Variants in OTOGL observed in about 807,000 individuals in gnomAD.
OTOGL encodes the protein otogelin like, also known as otogelin-like protein.
Under a neutral mutation model 318.5 loss-of-function variants are expected in OTOGL, and 285 were observed. The ratio of observed to expected loss-of-function variants is 0.89; its 90% confidence interval spans 0.81 to 0.99. The LOEUF is 0.99. OTOGL is among the 50% of genes least tolerant of loss of function. The pLI is 0.00. For synonymous variants in OTOGL, 987 were observed against 936.5 expected (o/e 1.05, Z -0.99); for missense variants, 2,899 against 2,845.6 (o/e 1.02, Z -0.43).
intron 21 of OTOGL, 99 bp downstream of exon 21, chr12:80,266,715 T>A: frequency 8.1e-7 from 1 of 1,228,996 alleles, no homozygotes; most frequent in South Asian, 1.6e-5. Flanking sequence ...AAAATATTTC[T>A]TATTGTCTTT....
intron 55 of OTOGL, 131 bp downstream of exon 55, chr12:80,368,440 A>C (rs1272610492): frequency 1.0e-5 from 5 of 489,522 alleles, no homozygotes; most frequent in Non-Finnish European, 1.8e-5. Context: ...ACAGCACACA[A>C]GACACAGTTA....
Position 80,310,688 on chromosome 12 carries a change from C to T in OTOGL, c.3411C>T (p.Ser1137=), listed in dbSNP as rs991434663. 5 of 1,592,200 alleles carry T rather than the reference C, an allele frequency of 3.1e-6. No homozygotes were observed. In the African/African-American group the frequency reaches 4.0e-5, roughly 13 times the overall value. ...TTCCTTATGCCAAGAAAGAATGCTCCATTTTGTACAGTGATATTTTTGCTT... is the reference window on the plus strand; with the variant it reads ...TTCCTTATGCCAAGAAAGAATGCTCTATTTTGTACAGTGATATTTTTGCTT... ...NKFPYAKKEC[S]ILYSDIFASC... Residue 1137 remains serine (S), a synonymous_variant, in exon 30 of 59, where the codon TCC becomes TCT. Transcript: ENST00000547103.
intron 1 of OTOGL, among the ~76,000 whole-genome samples, chr12:80,149,846 C>G (rs527579045): frequency 2.6e-5 from 4 of 152,274 alleles, no homozygotes; most frequent in African/African-American, 4.8e-5. Flanking sequence ...TGCCGGCTGA[C>G]TAGGAAAGGG....
intron 47 of OTOGL, 106 bp downstream of exon 47, chr12:80,356,054 A>G (rs1889880383): frequency 8.0e-7 from 1 of 1,243,472 alleles, no homozygotes. Flanking sequence ...AAAAAGGGCC[A>G]TAAATGTCAT....
At chr12:80,289,615 G>T (rs755128336) in intron 26 of OTOGL, among the ~76,000 whole-genome samples, 2 of 152,210 alleles carry the variant, frequency 1.3e-5, no homozygotes, top group Non-Finnish European at 2.9e-5. Flanking sequence ...AATCCAGAGA[G>T]GTAGTCTGGC....
intron 52 of OTOGL, among the ~76,000 whole-genome samples, chr12:80,363,589 G>C (rs186714242): frequency 6.6e-5 from 10 of 152,066 alleles, no homozygotes; most frequent in African/African-American, 2.2e-4. Flanking sequence ...AAACTTGAAG[G>C]TTTCAAGTCT....
At chr12:80,103,284 C>T in intron 1 of OTOGL, 1 of 1,594,886 alleles carries the variant, frequency 6.3e-7, no homozygotes, top group Non-Finnish European at 8.6e-7. Flanking sequence ...GTTGAAATGC[C>T]TTTTGCGATT....
intron 52 of OTOGL, among the ~76,000 whole-genome samples, chr12:80,359,418 AG>A (rs1263662246): frequency 1.3e-5 from 2 of 152,192 alleles, no homozygotes; most frequent in African/African-American, 4.8e-5. Flanking sequence ...GTACTTTACA[AG>A]TCTTTGTTTT....
At chr12:80,210,166 T>C (rs1467478025) in intron 2 of OTOGL, among the ~76,000 whole-genome samples, 3 of 152,090 alleles carry the variant, frequency 2.0e-5, no homozygotes, top group Non-Finnish European at 4.4e-5. Context: ...TCCATAACTA[T>C]CAGCATTTTG....
intron 26 of OTOGL, among the ~76,000 whole-genome samples, chr12:80,281,064 T>C (rs1884199332): frequency 6.6e-6 from 1 of 151,978 alleles, no homozygotes; most frequent in African/African-American, 2.4e-5. Flanking sequence ...GAAACTTTAC[T>C]GAAGTTGTTT....
At chr12:80,342,186 A>G in intron 44 of OTOGL, 24 bp downstream of exon 44, 2 of 1,494,388 alleles carry the variant, frequency 1.3e-6, no homozygotes, top group Non-Finnish European at 1.8e-6. Flanking sequence ...AACCATAAAT[A>G]ATACTTTCAT....
At chr12:80,113,169 C>T (rs1396109246) in intron 1 of OTOGL, among the ~76,000 whole-genome samples, 1 of 151,982 alleles carries the variant, frequency 6.6e-6, no homozygotes, top group African/African-American at 2.4e-5. Flanking sequence ...GGCTAGTGGT[C>T]TATGTATTTT....
chr12:80,317,632 C>T (rs1422694903), intron 32 of OTOGL, among the ~76,000 whole-genome samples: 1 of 152,122 alleles, frequency 6.6e-6, no homozygotes, highest in East Asian at 1.9e-4. Context: ...TTGTACAAAT[C>T]TACATATTTA....
At chr12:80,226,466 A>G (rs1195328026) in intron 7 of OTOGL, among the ~76,000 whole-genome samples, 1 of 152,032 alleles carries the variant, frequency 6.6e-6, no homozygotes, top group Non-Finnish European at 1.5e-5. Context: ...ACTCTTCAAT[A>G]TGGTCAGATG....
At chr12:80,253,430 C>A (rs1439257055) in intron 13 of OTOGL, 36 bp from the exon 14 acceptor site, 1 of 1,524,960 alleles carries the variant, frequency 6.6e-7, no homozygotes, top group Non-Finnish European at 9.1e-7. Flanking sequence ...TTTATTATTT[C>A]TTTTGAAATT....
chr12:80,373,608 G>A (rs1211957433), intron 57 of OTOGL, among the ~76,000 whole-genome samples: 1 of 151,546 alleles, frequency 6.6e-6, no homozygotes, highest in Non-Finnish European at 1.5e-5. Context: ...GAGTCATACT[G>A]AACAGAATAT....
chr12:80,372,131 T>A, intron 57 of OTOGL, 67 bp downstream of exon 57: 1 of 1,112,084 alleles, frequency 9.0e-7, no homozygotes, highest in Non-Finnish European at 1.2e-6. Flanking sequence ...GTGATTATGG[T>A]TTTTCTCACA....
chr12:80,213,888 T>G (rs1453158347), intron 4 of OTOGL, among the ~76,000 whole-genome samples: 1 of 152,228 alleles, frequency 6.6e-6, no homozygotes, highest in Non-Finnish European at 1.5e-5. Context: ...CATTCACTCT[T>G]CTGCTCTAGG....
rs551027517 is a variant in OTOGL, at chr12:80,305,665, G to T, written c.3303G>T (p.Arg1101=). The change falls in exon 29 of 59, where the codon CGG becomes CGT. Residue 1101 remains arginine, a synonymous_variant. Coordinates refer to ENST00000547103, the MANE Select transcript of OTOGL (RefSeq NM_001378609.3). ...ATAACTTGGAAGTGAGAAATGCTCG[G>T]GTATTTGGAGATAGTTGGGCATTAG... ...TSNNLEVRNA[R]VFGDSWALGQ... is the part of the protein sequence containing the mutation. 8.9e-6 allele frequency: 14 copies of T among 1,572,404 alleles called. No individual in the cohort carries two copies. The highest frequency in any genetic ancestry group is 1.1e-5 in the Non-Finnish European group (13 of 1,169,516).
Sources: allele counts gnomAD v4.1 joint callset (sites outside exome capture counted in the v4.1 genomes callset), GRCh38; gene constraint gnomAD v4.1.1; transcripts MANE v1.5; gene names NCBI Gene and HGNC (gene_info 2026-07-23, HGNC 2026-07-21).